Variants in RUFY3 observed in about 807,000 individuals in gnomAD.
RUFY3 encodes the protein protein RUFY3.
Under a neutral mutation model 84.0 loss-of-function variants are expected in RUFY3, and 34 were observed. The observed-to-expected ratio is 0.40, with a 90% CI of 0.31 to 0.54. RUFY3 has a LOEUF of 0.54. Ranked by LOEUF, RUFY3 falls within the 20% of genes least tolerant of loss-of-function variation. The pLI, the probability that RUFY3 is intolerant of heterozygous loss-of-function variation, is 0.39. For missense variants in RUFY3, 507 were observed against 736.8 expected, an observed-to-expected ratio of 0.69 and a Z score of 3.61; for synonymous variants, 242 against 252.9, an observed-to-expected ratio of 0.96 and a Z score of 0.41.
intron 6 of RUFY3, among the ~76,000 whole-genome samples, chr4:70,774,940 A>G (rs1727673459): frequency 6.6e-6 from 1 of 151,954 alleles, no homozygotes; most frequent in Non-Finnish European, 1.5e-5. Flanking sequence ...TGAGGTTTGT[A>G]AGCTATAACA....
intron 1 of RUFY3, among the ~76,000 whole-genome samples, chr4:70,740,019 C>T (rs1295315689): frequency 1.3e-5 from 2 of 149,994 alleles, no homozygotes; most frequent in African/African-American, 2.5e-5. Context: ...AGATGAAACA[C>T]CCATAGACCT....
rs189900639 is a variant in RUFY3 at position 70,759,062 on chromosome 4, A to G, written c.179-3457A>G. Among the ~76,000 whole-genome samples, 446 of 152,186 alleles carry G rather than the reference A, an allele frequency of 2.9e-3. 1 individual carries two copies. Among genetic ancestry groups the G allele is most frequent in the African/African-American group, 9.8e-3 (406 of 41,532 alleles). On this transcript the variant is annotated intron_variant, in intron 1 of 17. Transcript: ENST00000381006. ...AAAAAAAAAAAGAAAATTATTGACT[A>G]TAGTCACCATACAATGCTACAGAAC...
At chr4:70,717,873 ATTTTTT>A (rs1165078654), upstream of RUFY3, among the ~76,000 whole-genome samples, 4 of 82,370 alleles carry the variant, frequency 4.9e-5, no homozygotes, top group Non-Finnish European at 7.0e-5. Context: ...TTGACATGGT[ATTTTTT>A]TTTTTTTTTT....
intron 1 of RUFY3, among the ~76,000 whole-genome samples, chr4:70,749,148 C>A (rs1198569586): frequency 9.2e-5 from 14 of 151,980 alleles, no homozygotes; most frequent in Admixed American, 7.9e-4. Context: ...TTGAGCAAAC[C>A]AAGGAATTCT....
At chr4:70,736,379 T>C (rs1720299070) in intron 1 of RUFY3, among the ~76,000 whole-genome samples, 1 of 152,140 alleles carries the variant, frequency 6.6e-6, no homozygotes, top group Non-Finnish European at 1.5e-5. Context: ...TCTTTTTCAA[T>C]GTATACACTT....
chr4:70,784,104 T>C (rs1265508167), intron 9 of RUFY3, among the ~76,000 whole-genome samples: 2 of 152,222 alleles, frequency 1.3e-5, no homozygotes, highest in Non-Finnish European at 2.9e-5. Context: ...TTTTATGACC[T>C]GCTTGTTTTT....
chr4:70,716,802 G>A (rs1279732491), intron 1 of RUFY3, among the ~76,000 whole-genome samples: 6 of 147,064 alleles, frequency 4.1e-5, no homozygotes, highest in African/African-American at 1.5e-4. Flanking sequence ...CCAAGATCAT[G>A]CCACTGCACT....
At chr4:70,705,315 G>C in intron 1 of RUFY3, 1 of 1,348,822 alleles carries the variant, frequency 7.4e-7, no homozygotes, top group Non-Finnish European at 9.5e-7. Context: ...GAGGGGCATG[G>C]GGACGCCCGC....
At chr4:70,765,743 G>A (rs958123787) in intron 4 of RUFY3, among the ~76,000 whole-genome samples, 1 of 150,766 alleles carries the variant, frequency 6.6e-6, no homozygotes, top group South Asian at 2.1e-4. Context: ...GTGCTATTTT[G>A]TCATTTGTTA....
At chr4:70,750,139 G>A (rs991968987) in intron 1 of RUFY3, among the ~76,000 whole-genome samples, 1 of 151,988 alleles carries the variant, frequency 6.6e-6, no homozygotes, top group African/African-American at 2.4e-5. Context: ...TCAGCCCCGA[G>A]TAGCTAGGGC....
At chr4:70,754,607 A>T (rs1373466095) in intron 1 of RUFY3, among the ~76,000 whole-genome samples, 1 of 151,630 alleles carries the variant, frequency 6.6e-6, no homozygotes, top group Admixed American at 6.6e-5. Context: ...CAGGCTAACT[A>T]AATGGTGTTT....
At chr4:70,799,248 G>A (rs141530431) in intron 14 of RUFY3, among the ~76,000 whole-genome samples, 2 of 151,652 alleles carry the variant, frequency 1.3e-5, no homozygotes, top group African/African-American at 4.8e-5. Flanking sequence ...CTATAGAGAT[G>A]GTGGCACTGG....
chr4:70,730,702 G>A (rs769872607), intron 1 of RUFY3, among the ~76,000 whole-genome samples: 5 of 151,926 alleles, frequency 3.3e-5, no homozygotes, highest in African/African-American at 1.2e-4. Context: ...TTGCACCACC[G>A]CACTCACTCC....
intron 1 of RUFY3, among the ~76,000 whole-genome samples, chr4:70,741,035 A>G (rs1024350592): frequency 1.3e-5 from 2 of 152,136 alleles, no homozygotes; most frequent in Admixed American, 6.6e-5. Context: ...CTAGTTCTGT[A>G]TGGTGAATAA....
chr4:70,705,429 G>C, intron 1 of RUFY3: 1 of 564,216 alleles, frequency 1.8e-6, no homozygotes. Flanking sequence ...GGGCTTTAGG[G>C]GCTACCCTCG....
chr4:70,797,145 G>C (rs1468965193), intron 14 of RUFY3, among the ~76,000 whole-genome samples: 1 of 151,804 alleles, frequency 6.6e-6, no homozygotes, highest in Admixed American at 6.6e-5. Context: ...GTTTTGCCAT[G>C]TTGTCCAGGC....
chr4:70,730,467 G>T (rs906299859), intron 1 of RUFY3, among the ~76,000 whole-genome samples: 6 of 151,718 alleles, frequency 4.0e-5, no homozygotes, highest in African/African-American at 1.5e-4. Flanking sequence ...GGCCAGGCGC[G>T]GTGGCTCACA....
Position 70,783,193 on chromosome 4 carries a change from A to C in RUFY3, c.987+10A>C. On this transcript the variant is annotated intron_variant, in intron 9 of 17. Transcript: ENST00000381006. ...GGAATCCAATCGGAAGGTTAATCTT[A>C]CTGGATTTATAAAATATTCACTGAG... 1 of 1,512,910 alleles carries C rather than the reference A, an allele frequency of 6.6e-7. No individual in the cohort carries two copies. Among genetic ancestry groups the C allele is most frequent in the Non-Finnish European group, 9.2e-7 (1 of 1,090,760 alleles). 93.7% of individuals were successfully genotyped at this position (1,512,910 alleles called of 1,614,324 possible).
chr4:70,802,897 A>C lies in RUFY3; in HGVS notation c.1623-59A>C, dbSNP rs958160709. The C allele has an allele frequency of 1.1e-5, 14 of 1,238,320 alleles. No individual in the cohort carries two copies. In the East Asian group the frequency reaches 3.3e-4, roughly 29 times the overall value. 76.7% of individuals were successfully genotyped at this position (1,238,320 alleles called of 1,614,324 possible). ...GTATTCTGAGCTTTTTATTGAAATG[A>C]TATAAATGAAAATACATGAAGTTCC... is the stretch of plus-strand genomic sequence containing the variant. On this transcript the variant is annotated intron_variant, in intron 15 of 17. Transcript: ENST00000381006.
Sources: allele counts gnomAD v4.1 joint callset (sites outside exome capture counted in the v4.1 genomes callset), GRCh38; gene constraint gnomAD v4.1.1; transcripts MANE v1.5; gene names NCBI Gene and HGNC (gene_info 2026-07-23, HGNC 2026-07-21).